Variants in ITSN1 observed in about 807,000 individuals in gnomAD.
ITSN1 encodes intersectin 1, also known as intersectin-1.
In ITSN1, 58 loss-of-function variants were observed where a neutral mutation model predicts 239.8. That is an observed-to-expected ratio of 0.24 (90% CI 0.20 to 0.30). The LOEUF (loss-of-function observed/expected upper bound fraction) is 0.30. Ranked by LOEUF, ITSN1 falls within the 10% of genes least tolerant of loss-of-function variation. The pLI, the probability that ITSN1 is intolerant of heterozygous loss-of-function variation, is 1.00. For missense variants in ITSN1, 1,558 were observed against 2,103.3 expected (o/e 0.74, Z 5.07); for synonymous variants, 780 against 770.8 (o/e 1.01, Z -0.20).
intron 37 of ITSN1, 147 bp downstream of exon 37, chr21:33,885,270 A>G: frequency 1.1e-6 from 1 of 951,128 alleles, no homozygotes. Flanking sequence ...GGTGGGATGC[A>G]GATGGGGATG....
intron 16 of ITSN1, among the ~76,000 whole-genome samples, chr21:33,791,541 T>C (rs999932967): frequency 2.0e-5 from 3 of 152,244 alleles, no homozygotes; most frequent in East Asian, 1.9e-4. Context: ...AGGTTTTTTT[T>C]CTGTAGATTC....
chr21:33,866,619 A>T (rs1434121564), intron 32 of ITSN1, among the ~76,000 whole-genome samples: 1 of 152,116 alleles, frequency 6.6e-6, no homozygotes, highest in Non-Finnish European at 1.5e-5. Context: ...GGAGACAGTT[A>T]TCAGGTCTCA....
intron 20 of ITSN1, among the ~76,000 whole-genome samples, chr21:33,803,978 CA>C (rs762657218): frequency 6.6e-5 from 10 of 152,188 alleles, no homozygotes; most frequent in African/African-American, 1.2e-4. Flanking sequence ...ACAGTCAATG[CA>C]AAAAGATAGA....
chr21:33,737,864 C>T (rs1179384066), intron 5 of ITSN1, among the ~76,000 whole-genome samples: 17 of 152,130 alleles, frequency 1.1e-4, no homozygotes, highest in Admixed American at 1.1e-3. Context: ...TGAGCCACTG[C>T]ACCTGGCCTG....
At chr21:33,676,431 T>A (rs927935076) in intron 1 of ITSN1, among the ~76,000 whole-genome samples, 2 of 152,226 alleles carry the variant, frequency 1.3e-5, no homozygotes, top group African/African-American at 4.8e-5. Flanking sequence ...TTTTGCTAAG[T>A]TGCCCAGGCT....
At chr21:33,870,843 C>T (rs565315792) in intron 33 of ITSN1, among the ~76,000 whole-genome samples, 4 of 152,180 alleles carry the variant, frequency 2.6e-5, no homozygotes, top group South Asian at 2.1e-4. Flanking sequence ...AGTGGGTGAA[C>T]GTGGGGCAGG....
chr21:33,664,638 T>G (rs770710614), intron 1 of ITSN1, among the ~76,000 whole-genome samples: 3 of 152,198 alleles, frequency 2.0e-5, no homozygotes, highest in Non-Finnish European at 4.4e-5. Context: ...AGTTTCCTCA[T>G]CTGTAGAATG....
chr21:33,761,131 A>G (rs772468267), intron 8 of ITSN1, among the ~76,000 whole-genome samples: 1 of 151,282 alleles, frequency 6.6e-6, no homozygotes, highest in Non-Finnish European at 1.5e-5. Context: ...GATGGAGTGC[A>G]GTGGCATAAT....
intron 5 of ITSN1, among the ~76,000 whole-genome samples, chr21:33,748,732 A>T (rs751594295): frequency 6.6e-6 from 1 of 151,432 alleles, no homozygotes; most frequent in Non-Finnish European, 1.5e-5. Flanking sequence ...GGGTGTAGGG[A>T]TGCACACCTG....
intron 1 of ITSN1, among the ~76,000 whole-genome samples, chr21:33,698,817 G>GA (rs1161858396): frequency 6.6e-6 from 1 of 152,152 alleles, no homozygotes; most frequent in Admixed American, 6.5e-5. Context: ...CTCAAGATAG[G>GA]AATCTGGTAT....
At chr21:33,831,444 T>G (rs970627305) in intron 27 of ITSN1, among the ~76,000 whole-genome samples, 1 of 152,210 alleles carries the variant, frequency 6.6e-6, no homozygotes, top group Non-Finnish European at 1.5e-5. Flanking sequence ...GTAGACTGAC[T>G]TACCCAATCT....
At position 33,865,126 on chromosome 21, in the gene ITSN1, G is replaced by T. The variant is rs375644912; in HGVS notation, c.3891-25G>T. 11 of 1,598,250 alleles carry T rather than the reference G, an allele frequency of 6.9e-6. No homozygotes were observed. Among genetic ancestry groups the T allele is most frequent in the Middle Eastern group, 1.7e-4 (1 of 6,022 alleles). On this transcript the variant is annotated intron_variant, in intron 31 of 39. Transcript: ENST00000381318. This position sits in a 1 kb window ranked among gnomAD's most constrained non-coding sequence, Gnocchi z 4.4. ...CTGTCAGATAGCGTGAAAGCAGGGGGCTCACCTCCCGTGTTTCCGTGCAGA... is the reference window on the plus strand; with the variant it reads ...CTGTCAGATAGCGTGAAAGCAGGGGTCTCACCTCCCGTGTTTCCGTGCAGA...
chr21:33,874,156 CAAA>C (rs778588764), intron 33 of ITSN1, among the ~76,000 whole-genome samples: 4 of 29,198 alleles, frequency 1.4e-4, no homozygotes, highest in Admixed American at 6.3e-4. Context: ...AACTCCGTCT[CAAA>C]AAAAAAAAAA....
chr21:33,847,120 G>T (rs1224394486), intron 29 of ITSN1, among the ~76,000 whole-genome samples: 1 of 152,226 alleles, frequency 6.6e-6, no homozygotes, highest in African/African-American at 2.4e-5. Flanking sequence ...CGACCCCAGG[G>T]AGCAGGCTAT....
chr21:33,667,248 A>G (rs1047137300), intron 1 of ITSN1, among the ~76,000 whole-genome samples: 1 of 150,432 alleles, frequency 6.6e-6, no homozygotes, highest in African/African-American at 2.5e-5. Flanking sequence ...GTACTTGTAT[A>G]TGTCTGGATT....
At position 33,758,580 on chromosome 21, in the gene ITSN1, T is replaced by G. The variant is rs560237671; in HGVS notation, c.724+3183T>G. On this transcript the variant is annotated intron_variant, in intron 8 of 39. Transcript: ENST00000381318. ...GGATCATTCTTTAATTAAGGTTATG[T>G]AAGAAGCTCTAGAACTCTGGTATTC... 5.9e-5 allele frequency among the ~76,000 whole-genome samples: 9 copies of G among 152,338 alleles called. No individual in the cohort carries two copies. In the East Asian group the frequency reaches 1.7e-3, roughly 29 times the overall value.
At chr21:33,746,822 A>G (rs900720745) in intron 5 of ITSN1, among the ~76,000 whole-genome samples, 1 of 152,126 alleles carries the variant, frequency 6.6e-6, no homozygotes, top group Non-Finnish European at 1.5e-5. Context: ...AGCCTGGGAA[A>G]CAAGAGTGAA....
intron 1 of ITSN1, among the ~76,000 whole-genome samples, chr21:33,702,020 A>G (rs557729260): frequency 6.6e-6 from 1 of 151,286 alleles, no homozygotes; most frequent in Admixed American, 6.6e-5. Flanking sequence ...ATGAGCCAAG[A>G]TTGCACCACT....
chr21:33,758,227 G>C (rs577536298), intron 8 of ITSN1, among the ~76,000 whole-genome samples: 1 of 152,050 alleles, frequency 6.6e-6, no homozygotes, highest in African/African-American at 2.4e-5. Context: ...AGGCTCGGGG[G>C]ATCCTCCCAC....
Sources: gnomAD v4.1 joint callset for allele counts (sites outside exome capture counted in the v4.1 genomes callset) on GRCh38, gnomAD v4.1.1 for gene constraint, Gnocchi (gnomAD v3.1) non-coding constraint, MANE v1.5 for transcripts, NCBI Gene and HGNC (gene_info 2026-07-23, HGNC 2026-07-21) for gene names.